GDPD1: variants seen among roughly 807,000 people sequenced by gnomAD.
GDPD1 encodes glycerophosphodiester phosphodiesterase domain containing 1.
A neutral mutation model predicts 45.1 loss-of-function variants in GDPD1; 28 were observed. The ratio of observed to expected loss-of-function variants is 0.62; its 90% confidence interval spans 0.46 to 0.85. The LOEUF (loss-of-function observed/expected upper bound fraction) is 0.85, where lower values mean the gene tolerates loss of function less well. GDPD1 is among the 40% of genes least tolerant of loss of function. The pLI, the probability that GDPD1 is intolerant of heterozygous loss-of-function variation, is 0.00. For synonymous variants in GDPD1, 139 were observed against 131.4 expected, an observed-to-expected ratio of 1.06 and a Z score of -0.40; for missense variants, 256 against 364.8, an observed-to-expected ratio of 0.70 and a Z score of 2.43.
intron 6 of GDPD1, 45 bp downstream of exon 6, chr17:59,257,885 T>C (rs1597984703): frequency 8.0e-7 from 1 of 1,251,700 alleles, no homozygotes; most frequent in Non-Finnish European, 1.1e-6. Context: ...TTGTTGTTGT[T>C]TTGTATCTAC....
chr17:59,241,638 C>T (rs2047176284), intron 2 of GDPD1, among the ~76,000 whole-genome samples: 3 of 150,134 alleles, frequency 2.0e-5, no homozygotes. Flanking sequence ...CTTTTAAATA[C>T]ACTAGCTGAG....
intron 1 of GDPD1, among the ~76,000 whole-genome samples, chr17:59,232,983 A>AAGCG: frequency 6.6e-6 from 1 of 152,250 alleles, no homozygotes; most frequent in South Asian, 2.1e-4. Flanking sequence ...TGGGAGGCTG[A>AAGCG]GGTGGGCAGA....
intron 8 of GDPD1, among the ~76,000 whole-genome samples, chr17:59,271,349 A>C (rs2047442514): frequency 6.6e-6 from 1 of 152,200 alleles, no homozygotes; most frequent in African/African-American, 2.4e-5. Context: ...CACAGTATAT[A>C]TAAAAGTGTA....
At chr17:59,265,001 C>T (rs546244826) in intron 6 of GDPD1, among the ~76,000 whole-genome samples, 8 of 151,756 alleles carry the variant, frequency 5.3e-5, no homozygotes, top group African/African-American at 1.9e-4. Flanking sequence ...CCACCACGCC[C>T]GGCTAATTTT....
rs777989301 is a variant in GDPD1, at chr17:59,270,942, A to G, written c.717A>G (p.Lys239=). Residue 239 remains lysine (K), a synonymous_variant, in exon 8 of 10, where the codon AAA becomes AAG. Transcript: ENST00000284116. The part of the protein sequence containing the change: ...IPMPSIILKL[K]EPHTMSRSQK... ...AAACTTTATTTTACCCTAGGCTAAA[A>G]GAACCACACACCATGTCCAGAAGTC... is the stretch of plus-strand genomic sequence containing the variant. 3.8e-6 allele frequency: 6 copies of G among 1,596,652 alleles called. No homozygotes were observed. The highest frequency in any genetic ancestry group is 2.3e-5 in the South Asian group (2 of 88,206).
chr17:59,269,247 A>T (rs1240853177), intron 7 of GDPD1, among the ~76,000 whole-genome samples: 1 of 151,844 alleles, frequency 6.6e-6, no homozygotes, highest in East Asian at 1.9e-4. Context: ...CAGTGAGTCG[A>T]GATGGCTGCA....
intron 7 of GDPD1, 150 bp from the exon 8 acceptor site, chr17:59,270,786 G>A (rs1411328977): frequency 8.1e-6 from 4 of 494,862 alleles, no homozygotes; most frequent in East Asian, 7.0e-5. Flanking sequence ...AACCCAACTG[G>A]CCTTTATTTT....
chr17:59,269,800 G>A (rs2047431147), intron 7 of GDPD1, among the ~76,000 whole-genome samples: 1 of 152,118 alleles, frequency 6.6e-6, no homozygotes, highest in Admixed American at 6.6e-5. Flanking sequence ...TCCAGCCTGG[G>A]TGACAGAGCA....
intron 7 of GDPD1, among the ~76,000 whole-genome samples, chr17:59,269,945 A>G (rs1166528606): frequency 2.6e-5 from 4 of 152,206 alleles, no homozygotes; most frequent in Non-Finnish European, 5.9e-5. Flanking sequence ...TGAAATACAG[A>G]CATAAGAACA....
In GDPD1 at chr17:59,257,201, C is replaced by T. The variant is rs754678454; in HGVS notation, c.447C>T (p.Asn149=). The change falls in exon 5 of 10, where the codon AAC becomes AAT. Residue 149 remains asparagine (N), a synonymous_variant. Coordinates refer to ENST00000284116, the MANE Select transcript of GDPD1 (RefSeq NM_182569.4). Reference sequence around the variant, plus strand: ...AGGCCTTTCCTAACACTCCCATTAACATCGATATCAAAGTCAACAACAATG... The same window carrying T: ...AGGCCTTTCCTAACACTCCCATTAATATCGATATCAAAGTCAACAACAATG... ...VFEAFPNTPI[N]IDIKVNNNVL... 1.9e-6 allele frequency: 3 copies of T among 1,599,680 alleles called. No homozygotes were observed. The highest frequency in any genetic ancestry group is 2.3e-5 in the South Asian group (2 of 88,724).
chr17:59,250,642 GAA>G (rs72261988), intron 4 of GDPD1, among the ~76,000 whole-genome samples: 40,754 of 148,254 alleles, frequency 0.27, 6,383 homozygotes, highest in African/African-American at 0.42. Flanking sequence ...ATCCTTTGAG[GAA>G]AAAAAAAGTT....
chr17:59,259,459 C>G (rs1215599664), intron 6 of GDPD1, among the ~76,000 whole-genome samples: 4 of 146,764 alleles, frequency 2.7e-5, no homozygotes, highest in African/African-American at 1.0e-4. Flanking sequence ...CCCAGCTACT[C>G]AGGAGGCTGA....
rs191688603 is a variant in GDPD1, at chr17:59,229,359, G to A, written c.143-5133G>A. ...TTGACACAGAAGTGCCTGTAAACTGGGATTACAGGCACCTGCCACCATACC... is the reference window on the plus strand; with the variant it reads ...TTGACACAGAAGTGCCTGTAAACTGAGATTACAGGCACCTGCCACCATACC... On this transcript the variant is annotated intron_variant, in intron 1 of 9. Transcript: ENST00000284116. Among the ~76,000 whole-genome samples the A allele has an allele frequency of 5.2e-3, 784 of 151,088 alleles. 11 individuals are homozygous for A. Among genetic ancestry groups the A allele is most frequent in the African/African-American group, 0.018 (741 of 41,248 alleles).
chr17:59,224,388 C>T (rs1368267316), intron 1 of GDPD1, among the ~76,000 whole-genome samples: 3 of 151,872 alleles, frequency 2.0e-5, no homozygotes, highest in South Asian at 2.1e-4. Context: ...TTTGGGAGGC[C>T]GAAGCGGGCG....
chr17:59,222,275 C>T (rs2047010819), intron 1 of GDPD1, among the ~76,000 whole-genome samples: 1 of 152,000 alleles, frequency 6.6e-6, no homozygotes, highest in South Asian at 2.1e-4. Flanking sequence ...GGCGCGATCT[C>T]GGCTCACTGC....
At chr17:59,232,435 G>A (rs925555612) in intron 1 of GDPD1, among the ~76,000 whole-genome samples, 5 of 151,022 alleles carry the variant, frequency 3.3e-5, no homozygotes, top group Non-Finnish European at 7.4e-5. Context: ...GGGTGACAGA[G>A]CGAGACTCCG....
intron 4 of GDPD1, among the ~76,000 whole-genome samples, chr17:59,256,306 G>C (rs2047308811): frequency 6.6e-6 from 1 of 152,084 alleles, no homozygotes; most frequent in South Asian, 2.1e-4. Context: ...GACAGAGTGA[G>C]ACCCTGTCTC....
In GDPD1 at chr17:59,245,393, ATTC is replaced by A; in HGVS notation, c.186-15_186-13del. 2 of 1,599,094 alleles carry A rather than the reference ATTC, an allele frequency of 1.3e-6. No homozygotes were observed. The highest frequency in any genetic ancestry group is 1.1e-5 in the South Asian group (1 of 88,542). ...AATGTATACTTAAGTGTCAGATGTC[ATTC>A]TTCTTTTATTTCTTCAGTGCGGTTA... On this transcript the variant is annotated intron_variant, in intron 2 of 9. Transcript: ENST00000284116.
chr17:59,234,814 G>A lies in GDPD1; in HGVS notation c.185+280G>A, dbSNP rs560627497. Reference sequence around the variant, plus strand: ...AGACATTTGTAACAAGGAATGTACTGTGTATAATGCTAATTAGTCTTGGAG... The same window carrying A: ...AGACATTTGTAACAAGGAATGTACTATGTATAATGCTAATTAGTCTTGGAG... On this transcript the variant is annotated intron_variant, in intron 2 of 9. Transcript: ENST00000284116. 1.4e-3 allele frequency among the ~76,000 whole-genome samples: 206 copies of A among 152,254 alleles called. No homozygotes were observed. In the Middle Eastern group the frequency reaches 0.031, roughly 23 times the overall value.
Sources: gnomAD v4.1 joint callset for allele counts (sites outside exome capture counted in the v4.1 genomes callset) on GRCh38, gnomAD v4.1.1 for gene constraint, MANE v1.5 for transcripts, NCBI Gene and HGNC (gene_info 2026-07-23, HGNC 2026-07-21) for gene names.